Variants in TMEM230 observed in about 807,000 individuals in gnomAD.
TMEM230 encodes transmembrane protein 230.
TMEM230 carries 10 observed loss-of-function variants against 15.8 expected under a neutral mutation model. The observed-to-expected ratio is 0.63, with a 90% CI of 0.39 to 1.07. The LOEUF (loss-of-function observed/expected upper bound fraction) is 1.07, where lower values mean the gene tolerates loss of function less well. Ranked by LOEUF, TMEM230 falls within the 50% of genes least tolerant of loss-of-function variation. TMEM230 has a pLI of 0.01. For synonymous variants in TMEM230, 67 were observed against 76.9 expected (o/e 0.87, Z 0.68); for missense variants, 165 against 193.3 (o/e 0.85, Z 0.87).
At chr20:5,083,653 C>T (rs539305795) in intron 3 of TMEM230, among the ~76,000 whole-genome samples, 3 of 152,220 alleles carry the variant, frequency 2.0e-5, no homozygotes, top group South Asian at 4.1e-4. Flanking sequence ...TTGGCATGTA[C>T]ATTTCTTAAC....
chr20:5,085,383 G>T (rs746016020), intron 3 of TMEM230, among the ~76,000 whole-genome samples: 1 of 151,952 alleles, frequency 6.6e-6, no homozygotes, highest in Non-Finnish European at 1.5e-5. Flanking sequence ...CTGCCTCCTG[G>T]ATTCAAATAA....
downstream of TMEM230, among the ~76,000 whole-genome samples, chr20:5,063,344 A>G (rs1373198578): frequency 7.6e-6 from 1 of 131,404 alleles, no homozygotes; most frequent in African/African-American, 3.0e-5. Flanking sequence ...CTGGAGTGCA[A>G]TGGCGTGATC....
intron 3 of TMEM230, among the ~76,000 whole-genome samples, chr20:5,070,949 G>A (rs2088803135): frequency 1.3e-5 from 2 of 152,034 alleles, no homozygotes; most frequent in Non-Finnish European, 1.5e-5. Context: ...AAACAAATGT[G>A]GCACAATAAA....
downstream of TMEM230, among the ~76,000 whole-genome samples, chr20:5,097,546 A>C (rs1330186440): frequency 6.6e-6 from 1 of 151,492 alleles, no homozygotes; most frequent in Non-Finnish European, 1.5e-5. Flanking sequence ...GTCCATACCC[A>C]CCTCCCCCAT....
At chr20:5,067,630 G>T (rs1161881516), downstream of TMEM230, among the ~76,000 whole-genome samples, 1 of 150,150 alleles carries the variant, frequency 6.7e-6, no homozygotes, top group Non-Finnish European at 1.5e-5. Flanking sequence ...TTTTAGTAGA[G>T]GCAGGGTTTC....
At chr20:5,091,747 C>T (rs6038066) in intron 3 of TMEM230, among the ~76,000 whole-genome samples, 7 of 151,890 alleles carry the variant, frequency 4.6e-5, no homozygotes, top group African/African-American at 1.2e-4. Flanking sequence ...AAGCTATGTC[C>T]GTAGTAGATG....
At chr20:5,093,159 T>C (rs1240214094) in intron 3 of TMEM230, among the ~76,000 whole-genome samples, 1 of 152,154 alleles carries the variant, frequency 6.6e-6, no homozygotes, top group African/African-American at 2.4e-5. Flanking sequence ...AACGTTAACA[T>C]ATAAAAATCA....
chr20:5,109,572 G>A (rs1214561572), intron 2 of TMEM230, 127 bp from the exon 2 acceptor site: 9 of 706,650 alleles, frequency 1.3e-5, no homozygotes, highest in Non-Finnish European at 1.9e-5. Context: ...CTAGCAATGG[G>A]CAATTTACAC....
downstream of TMEM230, among the ~76,000 whole-genome samples, chr20:5,096,110 C>T (rs1230737376): frequency 6.6e-6 from 1 of 152,200 alleles, no homozygotes; most frequent in Non-Finnish European, 1.5e-5. Context: ...GGCAATCAAC[C>T]CTCGCTCCTG....
intron 4 of TMEM230, among the ~76,000 whole-genome samples, chr20:5,105,642 G>T (rs2090044834): frequency 6.6e-6 from 1 of 152,088 alleles, no homozygotes; most frequent in South Asian, 2.1e-4. Flanking sequence ...TGAGGGGATG[G>T]ATACCCCATT....
intron 4 of TMEM230, among the ~76,000 whole-genome samples, chr20:5,103,654 A>T (rs1348624062): frequency 3.3e-5 from 5 of 151,942 alleles, no homozygotes; most frequent in Non-Finnish European, 5.9e-5. Flanking sequence ...CAAACAAAAA[A>T]ACCAAAAAAC....
intron 3 of TMEM230, among the ~76,000 whole-genome samples, chr20:5,077,807 C>G (rs532830165): frequency 4.0e-5 from 6 of 151,752 alleles, no homozygotes; most frequent in African/African-American, 1.5e-4. Flanking sequence ...GCACTCCAAC[C>G]TGGGCAAGAG....
chr20:5,112,471 T>C (rs1320100593), intron 1 of TMEM230, among the ~76,000 whole-genome samples: 1 of 152,226 alleles, frequency 6.6e-6, no homozygotes, highest in Non-Finnish European at 1.5e-5. Context: ...CATTAACTGT[T>C]CATACATCCG....
At chr20:5,083,448 A>G (rs1372117104) in intron 3 of TMEM230, among the ~76,000 whole-genome samples, 1 of 151,942 alleles carries the variant, frequency 6.6e-6, no homozygotes, top group African/African-American at 2.4e-5. Flanking sequence ...TAGCTGTCGA[A>G]TTTTGTCTGA....
chr20:5,110,276 T>A (rs979348709), intron 2 of TMEM230, among the ~76,000 whole-genome samples: 1 of 151,690 alleles, frequency 6.6e-6, no homozygotes, highest in Admixed American at 6.6e-5. Flanking sequence ...GCCGGGCTGG[T>A]CTTGAACTCA....
rs141522543 is a variant in TMEM230 at position 5,103,334 on chromosome 20, C to G, written c.412-2403G>C. On this transcript the variant is annotated intron_variant, in intron 4 of 4. Coordinates refer to ENST00000342308, the MANE Select transcript of TMEM230 (RefSeq NM_001009923.2). Reference sequence around the variant, plus strand: ...AAAAAATTAGCTAGGTATGGTGACTCACACCTGTAACTCCAGCTACTTGGG... The same window carrying G: ...AAAAAATTAGCTAGGTATGGTGACTGACACCTGTAACTCCAGCTACTTGGG... 5.4e-3 allele frequency among the ~76,000 whole-genome samples: 822 copies of G among 152,072 alleles called. 27 individuals are homozygous for G. Among genetic ancestry groups the G allele is most frequent in the Admixed American group, 0.046 (708 of 15,256 alleles).
At chr20:5,075,538 A>C (rs2122564436) in intron 3 of TMEM230, among the ~76,000 whole-genome samples, 2 of 148,658 alleles carry the variant, frequency 1.3e-5, no homozygotes, top group South Asian at 2.2e-4. Context: ...CAGCCTGGCC[A>C]ACATGGTTAA....
intron 1 of TMEM230, chr20:5,111,637 AAAAAAAAAAATTCAG>A: frequency 1.2e-5 from 2 of 164,944 alleles, no homozygotes; most frequent in African/African-American, 5.9e-5. Context: ...AAAAAAAAAA[AAAAAAAAAAATTCAG>A]TATTTCAATA....
downstream of TMEM230, chr20:5,068,263 G>C (rs1295324914): frequency 1.3e-5 from 2 of 152,206 alleles, no homozygotes; most frequent in Non-Finnish European, 2.9e-5. Flanking sequence ...TCAGAACCTA[G>C]CCACATGACC....
Sources: gnomAD v4.1 joint callset for allele counts (sites outside exome capture counted in the v4.1 genomes callset) on GRCh38, gnomAD v4.1.1 for gene constraint, MANE v1.5 for transcripts, NCBI Gene and HGNC (gene_info 2026-07-23, HGNC 2026-07-21) for gene names.